MYH1: variants seen among roughly 807,000 people sequenced by gnomAD.
MYH1 encodes the protein myosin-1.
Under a neutral mutation model 225.6 loss-of-function variants are expected in MYH1, and 214 were observed. The ratio of observed to expected loss-of-function variants is 0.95; its 90% CI spans 0.85 to 1.06. The LOEUF is 1.06. Ranked by LOEUF, MYH1 falls within the 50% of genes least tolerant of loss-of-function variation. The pLI is 0.00. For synonymous variants in MYH1, 774 were observed against 842.3 expected (o/e 0.92, Z 1.40); for missense variants, 2,098 against 2,344.2 (o/e 0.89, Z 2.17).
chr17:10,497,996 C>G, intron 30 of MYH1, 79 bp from the exon 31 acceptor site: 2 of 1,315,230 alleles, frequency 1.5e-6, no homozygotes, highest in Non-Finnish European at 2.1e-6. Context: ...GAGTGAATTC[C>G]ACAATCAGAC....
rs1171626771 is a variant in MYH1, at chr17:10,498,737, G to T, written c.4070C>A (p.Ala1357Asp). The T allele has an allele frequency of 6.2e-7, 1 of 1,614,136 alleles. No homozygotes were observed. The highest frequency in any genetic ancestry group is 1.1e-5 in the South Asian group (1 of 91,080). The part of the protein sequence containing the change: ...LREQYEEEQE[A>D]KAELQRAMSK... ...CATTGCTCTCTGTAGCTCGGCCTTG[G>T]CTTCCTGCTCCTCCTCATACTGTTC... is the stretch of plus-strand genomic sequence containing the variant. Residue 1357 changes from alanine (A) to aspartate (D), a missense_variant, in exon 30 of 40, where the codon GCC (alanine) becomes GAC (aspartate). Coordinates refer to ENST00000226207, the MANE Select transcript of MYH1 (RefSeq NM_005963.4).
At chr17:10,495,900 A>G in intron 35 of MYH1, 50 bp downstream of exon 35, 1 of 1,607,824 alleles carries the variant, frequency 6.2e-7, no homozygotes, top group Non-Finnish European at 8.5e-7. Flanking sequence ...TTCAGCAAGA[A>G]TGTCATTTTC....
At chr17:10,509,705 C>G (rs2142273906) in intron 14 of MYH1, 50 bp from the exon 15 acceptor site, 1 of 1,614,050 alleles carries the variant, frequency 6.2e-7, no homozygotes, top group South Asian at 1.1e-5. Flanking sequence ...ATGAAATCTT[C>G]TCTTTGAAAG....
At position 10,507,927 on chromosome 17, in the gene MYH1, T is replaced by A. The variant is rs2073129522; in HGVS notation, c.1927A>T (p.Lys643Ter). The stretch of plus-strand genomic sequence containing the variant: ...ACAGTCTGGAAAGAAGAACCCTTCT[T>A]CTTACCACCTTTCTTTCCACCGCCA... Reference protein sequence around the residue: ...EAGGGKKGGKKKGSSFQTVSA... With the variant: ...EAGGGKKGGK Residue 643 changes from lysine to a stop codon, truncating the protein, a stop_gained, in exon 17 of 40, where the codon AAG becomes TAG. Coordinates refer to ENST00000226207, the MANE Select transcript of MYH1 (RefSeq NM_005963.4). LOFTEE classifies it high-confidence loss of function. 3.1e-6 allele frequency: 5 copies of A among 1,613,806 alleles called. No homozygotes were observed. Among genetic ancestry groups the A allele is most frequent in the Non-Finnish European group, 2.5e-6 (3 of 1,179,914 alleles).
chr17:10,514,296 C>A (rs1323788580), intron 6 of MYH1, among the ~76,000 whole-genome samples, 172 bp from the exon 7 acceptor site: 1 of 152,168 alleles, frequency 6.6e-6, no homozygotes, highest in Non-Finnish European at 1.5e-5. Context: ...TAGAAAAAAT[C>A]AGTCATTGTT....
intron 14 of MYH1, among the ~76,000 whole-genome samples, chr17:10,510,534 A>G (rs1006506398): frequency 1.3e-5 from 2 of 152,180 alleles, no homozygotes; most frequent in African/African-American, 4.8e-5. Context: ...TACTCCTAGA[A>G]CTTGAGTAGA....
intron 6 of MYH1, 72 bp downstream of exon 6, chr17:10,514,796 A>C: frequency 7.2e-7 from 1 of 1,397,586 alleles, no homozygotes. Flanking sequence ...ACATTAACTA[A>C]TTTCTTTTTT....
In MYH1 at chr17:10,498,806, G is replaced by T. The variant is rs533987659; in HGVS notation, c.4001C>A (p.Ala1334Glu). 6.2e-7 allele frequency: 1 copy of T among 1,614,126 alleles called. No individual in the cohort carries two copies. The highest frequency in any genetic ancestry group is 1.1e-5 in the South Asian group (1 of 91,068). The change falls in exon 30 of 40, where the codon GCA becomes GAA. Residue 1334 changes from alanine (A) to glutamate (E), a missense_variant. Transcript: ENST00000226207. Reference sequence around the variant, plus strand: ...ATGGCGGGAGGACTGCAGGGCATGTGCCAGGGCACTCTTGGCCTGAGAACA... The same window carrying T: ...ATGGCGGGAGGACTGCAGGGCATGTTCCAGGGCACTCTTGGCCTGAGAACA... ...EEEIKAKSALAHALQSSRHDC... is the reference protein window; with the variant it reads ...EEEIKAKSALEHALQSSRHDC...
intron 35 of MYH1, among the ~76,000 whole-genome samples, 172 bp downstream of exon 35, chr17:10,495,778 C>CAAAAAAAAAAAAAAAAAAAA (rs2072985156): frequency 3.8e-5 from 2 of 52,636 alleles, no homozygotes; most frequent in Non-Finnish European, 9.9e-5. Context: ...AAAAAAAAAT[C>CAAAAAAAAAAAAAAAAAAAA]AACTATGGAT....
rs552767049 is a variant in MYH1 at position 10,507,835 on chromosome 17, A to G, written c.1968+51T>C. The G allele has an allele frequency of 9.1e-5, 135 of 1,491,092 alleles. No individual in the cohort carries two copies. In the South Asian group the frequency reaches 1.0e-3, roughly 11 times the overall value. 92.4% of individuals were successfully genotyped at this position (1,491,092 alleles called of 1,614,324 possible). ...GTTAGTTTTTTCCCCCACACCATAG[A>G]GTACATTTAATATCCTAAATCTAAT... is the stretch of plus-strand genomic sequence containing the variant. On this transcript the variant is annotated intron_variant, in intron 17 of 39. Transcript: ENST00000226207.
At chr17:10,509,246 T>C (rs1471622885) in intron 15 of MYH1, among the ~76,000 whole-genome samples, 1 of 152,136 alleles carries the variant, frequency 6.6e-6, no homozygotes, top group Non-Finnish European at 1.5e-5. Context: ...TAAGGAAAGA[T>C]GACTTTAAAT....
At chr17:10,505,355 G>T in intron 20 of MYH1, 33 bp downstream of exon 20, 1 of 1,614,160 alleles carries the variant, frequency 6.2e-7, no homozygotes, top group Non-Finnish European at 8.5e-7. Flanking sequence ...AAAGGGACAG[G>T]AATAGCATCA....
chr17:10,511,700 C>G, intron 14 of MYH1, 139 bp downstream of exon 14: 1 of 1,371,454 alleles, frequency 7.3e-7, no homozygotes, highest in Non-Finnish European at 1.0e-6. Context: ...TTTTGGTGCT[C>G]TTTCATGTGT....
chr17:10,512,495 T>A lies in MYH1; in HGVS notation c.1060A>T (p.Lys354Ter), dbSNP rs146767990. The change falls in exon 12 of 40, where the codon AAG (lysine) becomes TAG (stop). Residue 354 changes from lysine (K) to a stop codon, truncating the protein, a stop_gained. Transcript: ENST00000226207. LOFTEE classifies it high-confidence loss of function. Reference protein sequence around the residue: ...FTSDERVSIYKLTGAVMHYGN... With the variant: ...FTSDERVSIY ...TAATGCATCACAGCCCCTGTGAGCT[T>A]ATAGATGGACACTCTTTCATCTGAA... The A allele has an allele frequency of 3.1e-6, 5 of 1,614,106 alleles. No individual in the cohort carries two copies. The highest frequency in any genetic ancestry group is 4.2e-6 in the Non-Finnish European group (5 of 1,179,980).
chr17:10,493,564 C>T (rs777774474), intron 39 of MYH1, among the ~76,000 whole-genome samples: 1 of 152,082 alleles, frequency 6.6e-6, no homozygotes, highest in Non-Finnish European at 1.5e-5. Flanking sequence ...TAACCAAGAC[C>T]TTCTGAGTTT....
intron 4 of MYH1, 36 bp from the exon 5 acceptor site, chr17:10,516,118 T>G (rs780243572): frequency 4.3e-6 from 7 of 1,613,304 alleles, no homozygotes; most frequent in Non-Finnish European, 1.7e-6. Context: ...CAGAATTATT[T>G]GATGGGGACC....
intron 33 of MYH1, 23 bp downstream of exon 33, chr17:10,497,044 TTA>T: frequency 6.2e-7 from 1 of 1,606,850 alleles, no homozygotes; most frequent in Non-Finnish European, 8.5e-7. Context: ...TCTAATTGTT[TTA>T]GAGTATGCAA....
rs574303710 is a variant in MYH1, at chr17:10,501,224, C to T, written c.3624G>A (p.Gly1208=). The stretch of plus-strand genomic sequence containing the variant: ...CTCGCTGCAGGTTGTCAATCTGCTC[C>T]CCAAGCTCGGCCACACTATCTGCAT... The part of the protein sequence containing the change: ...KKHADSVAEL[G]EQIDNLQRVK... The change falls in exon 27 of 40, where the codon GGG becomes GGA. Residue 1208 remains glycine (G), a synonymous_variant. Coordinates refer to ENST00000226207, the MANE Select transcript of MYH1 (RefSeq NM_005963.4). 12 of 1,614,184 alleles carry T rather than the reference C, an allele frequency of 7.4e-6. No individual in the cohort carries two copies. The highest frequency in any genetic ancestry group is 4.4e-5 in the South Asian group (4 of 91,074).
At chr17:10,502,005 A>G (rs2073063201) in intron 24 of MYH1, 94 bp from the exon 25 acceptor site, 1 of 1,264,816 alleles carries the variant, frequency 7.9e-7, no homozygotes. Flanking sequence ...GCAGCAAACT[A>G]TTTTTCTATG....
Sources: allele counts gnomAD v4.1 joint callset (sites outside exome capture counted in the v4.1 genomes callset), GRCh38; gene constraint gnomAD v4.1.1; transcripts MANE v1.5; gene names NCBI Gene and HGNC (gene_info 2026-07-23, HGNC 2026-07-21).